Variants in TACC2 observed in about 807,000 individuals in gnomAD.
TACC2 encodes the protein transforming acidic coiled-coil containing protein 2, also known as transforming acidic coiled-coil-containing protein 2.
A neutral mutation model predicts 227.3 loss-of-function variants in TACC2; 137 were observed. That is an observed-to-expected ratio of 0.60 (90% confidence interval 0.52 to 0.69). TACC2 has a LOEUF of 0.69. Among genes scored for constraint, TACC2 ranks in the 30% least tolerant of loss-of-function variants. The probability of loss-of-function intolerance (pLI) is 0.00; values close to 1 mark genes in which losing one functional copy is unlikely to be tolerated. For synonymous variants in TACC2, 1,523 were observed against 1,487.5 expected (o/e 1.02, Z -0.55); for missense variants, 3,470 against 3,694.4 (o/e 0.94, Z 1.57).
At chr10:122,149,973 C>T (rs1024856070) in intron 7 of TACC2, among the ~76,000 whole-genome samples, 3 of 152,226 alleles carry the variant, frequency 2.0e-5, no homozygotes, top group African/African-American at 7.2e-5. Flanking sequence ...CTGGTTCCCG[C>T]TCAGTCTCCG....
chr10:122,172,536 C>T (rs2093525208), intron 7 of TACC2, among the ~76,000 whole-genome samples: 2 of 152,314 alleles, frequency 1.3e-5, no homozygotes, highest in South Asian at 4.1e-4. Context: ...TAAAGGGAGG[C>T]GCCTACAGTG....
intron 1 of TACC2, among the ~76,000 whole-genome samples, chr10:122,009,142 C>T (rs1169920423): frequency 6.6e-6 from 1 of 152,154 alleles, no homozygotes; most frequent in Non-Finnish European, 1.5e-5. Context: ...TTCTGACTTT[C>T]CTCTTTTTAT....
At chr10:122,169,481 C>T in intron 7 of TACC2, among the ~76,000 whole-genome samples, 1 of 152,216 alleles carries the variant, frequency 6.6e-6, no homozygotes, top group East Asian at 1.9e-4. Flanking sequence ...TGTGCAGCAT[C>T]TCTGCTGTTA....
intron 1 of TACC2, among the ~76,000 whole-genome samples, chr10:122,008,775 G>A (rs1955567721): frequency 6.6e-6 from 1 of 152,002 alleles, no homozygotes; most frequent in Non-Finnish European, 1.5e-5. Context: ...GTTTTGCCAT[G>A]TTGGCCAGGC....
intron 19 of TACC2, chr10:122,248,411 C>T (rs2096177120): frequency 1.8e-6 from 1 of 561,056 alleles, no homozygotes; most frequent in East Asian, 3.0e-5. Flanking sequence ...TGGCTCATTT[C>T]TACCTCACGC....
At chr10:122,066,410 A>G (rs1479628243) in intron 3 of TACC2, among the ~76,000 whole-genome samples, 1 of 152,082 alleles carries the variant, frequency 6.6e-6, no homozygotes, top group Non-Finnish European at 1.5e-5. Context: ...CTGGGATTAC[A>G]GGTGTGCACC....
intron 14 of TACC2, 121 bp downstream of exon 14, chr10:122,228,129 C>T: frequency 9.8e-7 from 1 of 1,019,420 alleles, no homozygotes; most frequent in Non-Finnish European, 1.4e-6. Flanking sequence ...GGGTCCCACC[C>T]TGACTCCCTG....
At position 122,068,383 on chromosome 10, in the gene TACC2, A is replaced by T. The variant is rs184597895; in HGVS notation, c.147-14264A>T. Among the ~76,000 whole-genome samples, 200 of 152,130 alleles carry T rather than the reference A, an allele frequency of 1.3e-3. 1 individual carries two copies. The highest frequency in any genetic ancestry group is 1.7e-3 in the East Asian group (9 of 5,182). On this transcript the variant is annotated intron_variant, in intron 3 of 22. Transcript: ENST00000369005. ...CCTGCTCACAGGCTGGACACTGTGG[A>T]CTTTAAGCTTTTTGGGTTCTGGATA...
chr10:122,064,684 A>T (rs554592214), intron 3 of TACC2, among the ~76,000 whole-genome samples: 6 of 152,334 alleles, frequency 3.9e-5, no homozygotes, highest in Middle Eastern at 3.4e-3. Flanking sequence ...AAGGTCATGT[A>T]TCCGTCATTA....
At chr10:122,137,017 CT>C (rs2089806834) in intron 6 of TACC2, among the ~76,000 whole-genome samples, 1 of 151,398 alleles carries the variant, frequency 6.6e-6, no homozygotes, top group South Asian at 2.1e-4. Context: ...CTTTTTTTTT[CT>C]GAGTAGCGGA....
At chr10:122,111,492 A>T (rs558915618) in intron 5 of TACC2, among the ~76,000 whole-genome samples, 1 of 150,624 alleles carries the variant, frequency 6.6e-6, no homozygotes, top group African/African-American at 2.4e-5. Flanking sequence ...AGGGCACAAG[A>T]ACCTTTTGTT....
At chr10:122,226,540 C>T in intron 13 of TACC2, 59 bp downstream of exon 13, 1 of 1,185,532 alleles carries the variant, frequency 8.4e-7, no homozygotes, top group Non-Finnish European at 1.2e-6. Context: ...AGCCTCTGAG[C>T]ACCTTCATGC....
intron 8 of TACC2, among the ~76,000 whole-genome samples, chr10:122,198,237 C>G (rs924156516): frequency 2.0e-5 from 3 of 152,200 alleles, no homozygotes; most frequent in Non-Finnish European, 4.4e-5. Flanking sequence ...GCCTGGACCA[C>G]ACTCCTGAGG....
intron 9 of TACC2, chr10:122,213,356 T>C (rs1464691792): frequency 3.1e-6 from 5 of 1,612,248 alleles, no homozygotes; most frequent in Non-Finnish European, 4.2e-6. Context: ...GTTGAAGATG[T>C]GATGTCTGTG....
intron 7 of TACC2, among the ~76,000 whole-genome samples, chr10:122,168,036 A>G (rs1028660101): frequency 1.9e-4 from 29 of 149,464 alleles, no homozygotes; most frequent in Non-Finnish European, 3.5e-4. Context: ...ATAGGTACAC[A>G]TCACCATGCC....
At chr10:122,234,668 T>C (rs148625159) in intron 16 of TACC2, among the ~76,000 whole-genome samples, 1 of 152,230 alleles carries the variant, frequency 6.6e-6, no homozygotes, top group Admixed American at 6.5e-5. Context: ...AAGGGGTCAG[T>C]GAACAGTCTA....
intron 7 of TACC2, among the ~76,000 whole-genome samples, chr10:122,164,948 G>A (rs574448204): frequency 1.3e-5 from 2 of 152,108 alleles, no homozygotes; most frequent in Admixed American, 1.3e-4. Flanking sequence ...ATGGGGCCCC[G>A]GGGGGTACTT....
rs1267826947 is a variant in TACC2 at position 122,085,633 on chromosome 10, C to A, written c.3133C>A (p.Pro1045Thr). ...AAGTGGAAACACAGGGGAGGCCCCA[C>A]CTTGTCAGCCTGACTCAGTAGCTCT... ...MASGNTGEAPPCQPDSVALLD... is the reference protein window; with the variant it reads ...MASGNTGEAPTCQPDSVALLD... Residue 1045 changes from proline to threonine, a missense_variant, in exon 4 of 23, where the codon CCT becomes ACT. This residue lies in a region of TACC2 where 1,924 missense variants were observed against 1,978.3 expected (regional missense o/e 0.97). Coordinates refer to ENST00000369005, the MANE Select transcript of TACC2 (RefSeq NM_206862.4). 1.7e-5 allele frequency: 27 copies of A among 1,613,354 alleles called. No individual in the cohort carries two copies. The highest frequency in any genetic ancestry group is 2.7e-5 in the African/African-American group (2 of 74,938).
chr10:122,224,088 A>G (rs1025887103), intron 11 of TACC2, among the ~76,000 whole-genome samples: 1 of 152,172 alleles, frequency 6.6e-6, no homozygotes, highest in African/African-American at 2.4e-5. Context: ...GATTTTCACC[A>G]ATCAATTTGA....
Sources: gnomAD v4.1 joint callset for allele counts (sites outside exome capture counted in the v4.1 genomes callset) on GRCh38, gnomAD v4.1.1 for gene constraint, gnomAD v4.1.1 regional missense constraint, MANE v1.5 for transcripts, NCBI Gene and HGNC (gene_info 2026-07-23, HGNC 2026-07-21) for gene names.